Variants in SSBP3 observed in about 807,000 individuals in gnomAD.
The protein encoded by SSBP3 is single-stranded DNA-binding protein 3.
A neutral mutation model predicts 69.6 loss-of-function variants in SSBP3; 5 were observed. The ratio of observed to expected loss-of-function variants is 0.07; its 90% CI spans 0.04 to 0.15. The LOEUF is 0.15. SSBP3 is among the 10% of genes least tolerant of loss of function. SSBP3 has a pLI of 1.00. For synonymous variants in SSBP3, 196 were observed against 193.4 expected (o/e 1.01, Z -0.11); for missense variants, 312 against 534.0 (o/e 0.58, Z 4.10).
chr1:54,370,086 C>A (rs532288944), intron 4 of SSBP3, among the ~76,000 whole-genome samples: 1 of 152,292 alleles, frequency 6.6e-6, no homozygotes, highest in South Asian at 2.1e-4. Flanking sequence ...CCTCCGTCCT[C>A]TTCAGGGTCA....
At chr1:54,250,389 G>A (rs1366317156) in intron 9 of SSBP3, among the ~76,000 whole-genome samples, 2 of 151,934 alleles carry the variant, frequency 1.3e-5, no homozygotes, top group African/African-American at 4.8e-5. Flanking sequence ...ACAATTCTGG[G>A]ATGGAGCAGA....
intron 5 of SSBP3, among the ~76,000 whole-genome samples, chr1:54,268,615 CAA>C (rs1270044177): frequency 6.6e-6 from 1 of 152,262 alleles, no homozygotes; most frequent in Non-Finnish European, 1.5e-5. Context: ...AACGGAACAG[CAA>C]AGTCTGCCAA....
intron 4 of SSBP3, among the ~76,000 whole-genome samples, chr1:54,374,671 C>T (rs1278921542): frequency 6.6e-6 from 1 of 152,114 alleles, no homozygotes; most frequent in Non-Finnish European, 1.5e-5. Flanking sequence ...CTCCCTCCAT[C>T]CCCCACCCCA....
At chr1:54,239,695 T>C (rs1449086547) in intron 13 of SSBP3, among the ~76,000 whole-genome samples, 1 of 152,186 alleles carries the variant, frequency 6.6e-6, no homozygotes, top group East Asian at 1.9e-4. Context: ...TGGGTGCATG[T>C]GGCCCAGTCG....
At chr1:54,252,495 G>T (rs1644846859) in intron 7 of SSBP3, among the ~76,000 whole-genome samples, 1 of 151,982 alleles carries the variant, frequency 6.6e-6, no homozygotes, top group Admixed American at 6.6e-5. Context: ...TTCTACAATA[G>T]GAAATGCCAC....
chr1:54,253,756 G>A (rs1035059094), intron 7 of SSBP3, among the ~76,000 whole-genome samples: 13 of 152,200 alleles, frequency 8.5e-5, no homozygotes, highest in Admixed American at 1.3e-4. Flanking sequence ...GGAGGTGGAT[G>A]GGGGACCTTC....
At chr1:54,352,272 G>T (rs996358894) in intron 4 of SSBP3, among the ~76,000 whole-genome samples, 26 of 150,486 alleles carry the variant, frequency 1.7e-4, no homozygotes, top group African/African-American at 6.4e-4. Flanking sequence ...GCAGCACAAG[G>T]TGCCTTAGGA....
intron 4 of SSBP3, among the ~76,000 whole-genome samples, chr1:54,292,425 C>A (rs535359716): frequency 1.3e-5 from 2 of 152,122 alleles, no homozygotes; most frequent in African/African-American, 4.8e-5. Flanking sequence ...GGTGGGTGAG[C>A]CCCCAAGCTA....
intron 5 of SSBP3, among the ~76,000 whole-genome samples, chr1:54,272,315 A>G (rs552872929): frequency 1.3e-5 from 2 of 152,222 alleles, no homozygotes; most frequent in South Asian, 4.2e-4. Flanking sequence ...GCCTGGGCCC[A>G]GAGCCCAGCC....
intron 6 of SSBP3, 136 bp downstream of exon 6, chr1:54,257,933 A>G: frequency 1.2e-6 from 1 of 807,018 alleles, no homozygotes; most frequent in Non-Finnish European, 1.8e-6. Context: ...AGAAATTTCT[A>G]AAAAAATTTA....
intron 14 of SSBP3, among the ~76,000 whole-genome samples, chr1:54,233,073 G>A (rs1423772271): frequency 2.7e-5 from 4 of 150,874 alleles, no homozygotes; most frequent in Non-Finnish European, 5.9e-5. Flanking sequence ...CCTCTGCCTG[G>A]CTGCCCACTC....
chr1:54,407,749 ATT>A (rs532968816), upstream of SSBP3, among the ~76,000 whole-genome samples: 6,373 of 97,262 alleles, frequency 0.066, 672 homozygotes, highest in African/African-American at 0.25. Flanking sequence ...GCCTAGGTTG[ATT>A]TTTTTTTTTT....
intron 4 of SSBP3, among the ~76,000 whole-genome samples, chr1:54,387,537 G>A (rs1385719502): frequency 1.3e-5 from 2 of 151,844 alleles, no homozygotes; most frequent in African/African-American, 2.4e-5. Context: ...AGGGAAAGAG[G>A]GGAAAAACAC....
intron 14 of SSBP3, among the ~76,000 whole-genome samples, chr1:54,231,269 A>G (rs1644374933): frequency 6.6e-6 from 1 of 152,108 alleles, no homozygotes; most frequent in Non-Finnish European, 1.5e-5. Flanking sequence ...TGTGGTTTTG[A>G]TTTGCATTTC....
At chr1:54,263,273 C>T (rs1215786773) in intron 5 of SSBP3, among the ~76,000 whole-genome samples, 1 of 152,224 alleles carries the variant, frequency 6.6e-6, no homozygotes, top group African/African-American at 2.4e-5. Flanking sequence ...GCAGGACCCC[C>T]AGCCCTCCCG....
intron 4 of SSBP3, among the ~76,000 whole-genome samples, chr1:54,306,131 C>T (rs192218258): frequency 6.6e-5 from 10 of 152,122 alleles, no homozygotes; most frequent in Admixed American, 6.5e-4. Context: ...CTTATTCCTC[C>T]TCCTGGACTG....
intron 1 of SSBP3, 98 bp from the exon 2 acceptor site, chr1:54,405,028 G>T: frequency 9.1e-7 from 1 of 1,104,640 alleles, no homozygotes; most frequent in South Asian, 1.3e-5. Flanking sequence ...CCCTGTCTGC[G>T]CCGTCCCATT....
intron 4 of SSBP3, among the ~76,000 whole-genome samples, chr1:54,290,149 C>T (rs937356011): frequency 6.6e-6 from 1 of 152,210 alleles, no homozygotes; most frequent in African/African-American, 2.4e-5. Context: ...ATTTCAGAAT[C>T]GACACTTAAA....
intron 4 of SSBP3, among the ~76,000 whole-genome samples, chr1:54,330,399 C>T (rs1306227905): frequency 1.3e-5 from 2 of 152,120 alleles, no homozygotes; most frequent in Non-Finnish European, 1.5e-5. Context: ...CCTGGCCTGG[C>T]CCCCTACACC....
Sources: gnomAD v4.1 joint callset for allele counts (sites outside exome capture counted in the v4.1 genomes callset) on GRCh38, gnomAD v4.1.1 for gene constraint, MANE v1.5 for transcripts, NCBI Gene and HGNC (gene_info 2026-07-23, HGNC 2026-07-21) for gene names.